ADCY2: variants seen among roughly 807,000 people sequenced by gnomAD.
ADCY2 encodes adenylate cyclase 2.
A neutral mutation model predicts 125.2 loss-of-function variants in ADCY2; 31 were observed. The ratio of observed to expected loss-of-function variants is 0.25; its 90% CI spans 0.19 to 0.33. The LOEUF (loss-of-function observed/expected upper bound fraction) is 0.33. Ranked by LOEUF, ADCY2 falls within the 10% of genes least tolerant of loss-of-function variation. The probability of loss-of-function intolerance (pLI) is 1.00; values close to 1 mark genes in which losing one functional copy is unlikely to be tolerated. For missense variants in ADCY2, 904 were observed against 1,418.2 expected, an observed-to-expected ratio of 0.64 and a Z score of 5.82; for synonymous variants, 512 against 548.4, an observed-to-expected ratio of 0.93 and a Z score of 0.93.
At chr5:7,743,450 T>G (rs534779534) in intron 14 of ADCY2, among the ~76,000 whole-genome samples, 1 of 152,250 alleles carries the variant, frequency 6.6e-6, no homozygotes, top group Admixed American at 6.5e-5. Flanking sequence ...TGAGGCAGTT[T>G]TATTGAGTCA....
At chr5:7,677,960 A>T (rs1011108674) in intron 4 of ADCY2, among the ~76,000 whole-genome samples, 9 of 152,204 alleles carry the variant, frequency 5.9e-5, no homozygotes, top group African/African-American at 1.9e-4. Context: ...TACCAGACTC[A>T]GCTTTATACA....
intron 3 of ADCY2, among the ~76,000 whole-genome samples, chr5:7,593,412 G>A (rs1234011915): frequency 3.9e-5 from 6 of 152,168 alleles, no homozygotes; most frequent in Admixed American, 2.6e-4. Flanking sequence ...GGCCAAGGCC[G>A]TTCGCATGCA....
intron 13 of ADCY2, 147 bp downstream of exon 13, chr5:7,724,761 C>T (rs899324808): frequency 1.6e-6 from 1 of 644,654 alleles, no homozygotes. Flanking sequence ...GTGGTTCTTT[C>T]ATGCATATAT....
At chr5:7,603,973 G>C (rs1485024307) in intron 3 of ADCY2, among the ~76,000 whole-genome samples, 55 of 58,082 alleles carry the variant, frequency 9.5e-4, no homozygotes, top group Non-Finnish European at 1.4e-3. Context: ...CCCCTCCCCC[G>C]ACCCCACCAC....
chr5:7,545,740 TC>T (rs1440085464), intron 3 of ADCY2, among the ~76,000 whole-genome samples: 1 of 152,144 alleles, frequency 6.6e-6, no homozygotes, highest in African/African-American at 2.4e-5. Flanking sequence ...CAGCATGCGG[TC>T]GGTGGGTTAC....
chr5:7,816,297 C>T (rs532589228), intron 22 of ADCY2, among the ~76,000 whole-genome samples: 4 of 152,328 alleles, frequency 2.6e-5, no homozygotes, highest in Admixed American at 2.6e-4. Context: ...GGGGCAGTAG[C>T]CCTTGTCCTC....
intron 3 of ADCY2, among the ~76,000 whole-genome samples, chr5:7,619,901 A>C (rs1323137503): frequency 6.6e-6 from 1 of 152,214 alleles, no homozygotes; most frequent in African/African-American, 2.4e-5. Flanking sequence ...TGAGCTGAGA[A>C]GTACAAGTTT....
intron 4 of ADCY2, among the ~76,000 whole-genome samples, chr5:7,683,748 T>C (rs1318460981): frequency 6.6e-6 from 1 of 152,192 alleles, no homozygotes. Context: ...GCATCATGTA[T>C]CTGTCATCTG....
chr5:7,406,566 T>C (rs925327964), intron 1 of ADCY2, among the ~76,000 whole-genome samples: 1 of 152,230 alleles, frequency 6.6e-6, no homozygotes, highest in African/African-American at 2.4e-5. Flanking sequence ...TTTTAGGAGA[T>C]AGTCCCCTTT....
chr5:7,738,760 G>A (rs143502004), intron 14 of ADCY2, among the ~76,000 whole-genome samples: 16 of 151,916 alleles, frequency 1.1e-4, no homozygotes, highest in East Asian at 5.8e-4. Context: ...AGTTATGAAG[G>A]CAAGAAATAT....
intron 15 of ADCY2, among the ~76,000 whole-genome samples, chr5:7,747,516 A>C (rs1302272770): frequency 6.6e-6 from 1 of 152,170 alleles, no homozygotes; most frequent in Non-Finnish European, 1.5e-5. Flanking sequence ...ATGTCCCAGC[A>C]TGGGGACAGA....
intron 7 of ADCY2, among the ~76,000 whole-genome samples, chr5:7,705,694 A>C (rs940001134): frequency 1.3e-5 from 2 of 152,356 alleles, no homozygotes; most frequent in Non-Finnish European, 2.9e-5. Context: ...GATGACTTGC[A>C]TAGAGCCAAA....
rs1011252635 is a variant in ADCY2, at chr5:7,829,221, C to T, written c.*2350C>T. On this transcript the variant is annotated 3_prime_UTR_variant, in exon 25 of 25. Coordinates refer to ENST00000338316, the MANE Select transcript of ADCY2 (RefSeq NM_020546.3). ...ATTTGAGATCCCCGGGGCTGGGGCCCAGCACAACTGCTGTTTAGTGAACAG... is the reference window on the plus strand; with the variant it reads ...ATTTGAGATCCCCGGGGCTGGGGCCTAGCACAACTGCTGTTTAGTGAACAG... 9 of 152,610 alleles carry T rather than the reference C, an allele frequency of 5.9e-5. No homozygotes were observed. The highest frequency in any genetic ancestry group is 2.2e-4 in the African/African-American group (9 of 41,434). The allele number at this position is 152,610 out of a possible 1,614,324, so 9.5% of individuals were successfully genotyped here.
chr5:7,674,298 G>A (rs185847805), intron 4 of ADCY2, among the ~76,000 whole-genome samples: 148 of 152,262 alleles, frequency 9.7e-4, no homozygotes, highest in Middle Eastern at 3.4e-3. Flanking sequence ...CAGTGGTTTC[G>A]GTGTGGGGTG....
intron 2 of ADCY2, among the ~76,000 whole-genome samples, chr5:7,494,558 C>T (rs1743279834): frequency 6.6e-6 from 1 of 152,098 alleles, no homozygotes; most frequent in Admixed American, 6.5e-5. Flanking sequence ...ATCCTTAACC[C>T]ATCCTAGTGA....
chr5:7,570,998 T>C (rs181886471), intron 3 of ADCY2, among the ~76,000 whole-genome samples: 1 of 152,140 alleles, frequency 6.6e-6, no homozygotes, highest in Non-Finnish European at 1.5e-5. Context: ...TTTGCTGATA[T>C]GTTATTAGAG....
At chr5:7,589,132 A>C (rs1445387597) in intron 3 of ADCY2, among the ~76,000 whole-genome samples, 2 of 152,182 alleles carry the variant, frequency 1.3e-5, no homozygotes, top group Non-Finnish European at 2.9e-5. Context: ...TAGCCACTTG[A>C]TAATTGCACA....
At chr5:7,733,439 A>C (rs1202027101) in intron 14 of ADCY2, among the ~76,000 whole-genome samples, 1 of 152,142 alleles carries the variant, frequency 6.6e-6, no homozygotes, top group Non-Finnish European at 1.5e-5. Context: ...TTTGTCCTGA[A>C]CAACTGGAAA....
chr5:7,735,673 C>A (rs1439931515), intron 14 of ADCY2, among the ~76,000 whole-genome samples: 1 of 152,164 alleles, frequency 6.6e-6, no homozygotes, highest in African/African-American at 2.4e-5. Context: ...CTTGGGTAAA[C>A]CCCACTTGGT....
Sources: gnomAD v4.1 joint callset for allele counts (sites outside exome capture counted in the v4.1 genomes callset) on GRCh38, gnomAD v4.1.1 for gene constraint, MANE v1.5 for transcripts, NCBI Gene and HGNC (gene_info 2026-07-23, HGNC 2026-07-21) for gene names.